The following CSMD1 variants were observed in gnomAD, a reference collection of about 807,000 sequenced individuals.
CSMD1 encodes the protein CUB and sushi domain-containing protein 1.
CSMD1 carries 213 observed loss-of-function variants against 417.5 expected under a neutral mutation model. The observed-to-expected ratio is 0.51, with a 90% confidence interval of 0.46 to 0.57. CSMD1 has a LOEUF of 0.57. CSMD1 is among the 20% of genes least tolerant of loss of function. The probability of loss-of-function intolerance (pLI) is 0.00; values close to 1 mark genes in which losing one functional copy is unlikely to be tolerated. For missense variants in CSMD1, 6,923 were observed against 4,529.7 expected (o/e 1.53, Z -15.17); for synonymous variants, 2,862 against 1,736.8 (o/e 1.65, Z -16.11).
At chr8:4,865,121 T>A (rs1802352591) in intron 1 of CSMD1, among the ~76,000 whole-genome samples, 1 of 151,810 alleles carries the variant, frequency 6.6e-6, no homozygotes, top group South Asian at 2.1e-4. Context: ...AGTGATAAAA[T>A]TCAAAGTTTT....
chr8:4,216,168 C>G (rs145343101), intron 3 of CSMD1, among the ~76,000 whole-genome samples: 50 of 152,306 alleles, frequency 3.3e-4, no homozygotes, highest in African/African-American at 1.2e-3. Context: ...ACAGGACCAG[C>G]CTATGACACT....
At chr8:3,086,097 A>G (rs1382943231) in intron 49 of CSMD1, among the ~76,000 whole-genome samples, 1 of 152,194 alleles carries the variant, frequency 6.6e-6, no homozygotes, top group Non-Finnish European at 1.5e-5. Flanking sequence ...CTCTTCAGCA[A>G]CAGATTCTAC....
chr8:4,252,709 G>T (rs1213332607), intron 3 of CSMD1, among the ~76,000 whole-genome samples: 2 of 152,188 alleles, frequency 1.3e-5, no homozygotes, highest in African/African-American at 2.4e-5. Flanking sequence ...TATCTCATTG[G>T]TTGTATTGGT....
chr8:3,445,755 A>G (rs575902981), intron 12 of CSMD1, among the ~76,000 whole-genome samples: 1 of 152,356 alleles, frequency 6.6e-6, no homozygotes, highest in South Asian at 2.1e-4. Context: ...GAACAAGAAC[A>G]AAGCCATGTA....
intron 10 of CSMD1, among the ~76,000 whole-genome samples, chr8:3,554,553 T>C (rs901637119): frequency 2.6e-5 from 4 of 152,166 alleles, no homozygotes; most frequent in African/African-American, 9.7e-5. Flanking sequence ...TCCTGCTCTG[T>C]TGGAAGCCAT....
chr8:3,136,709 T>C (rs990776999), intron 41 of CSMD1, among the ~76,000 whole-genome samples: 7 of 152,138 alleles, frequency 4.6e-5, no homozygotes. Flanking sequence ...GGACCACCAG[T>C]GCCTGAGGTA....
At chr8:4,680,523 G>A (rs927016823) in intron 1 of CSMD1, among the ~76,000 whole-genome samples, 1 of 152,132 alleles carries the variant, frequency 6.6e-6, no homozygotes, top group Non-Finnish European at 1.5e-5. Flanking sequence ...AGGAGAAATG[G>A]AAATTGGAAC....
chr8:3,471,662 TTC>T (rs1322281805), intron 11 of CSMD1, among the ~76,000 whole-genome samples: 5,656 of 143,596 alleles, frequency 0.039, 158 homozygotes, highest in East Asian at 0.14. Flanking sequence ...CTTCCTTCCT[TTC>T]CCTCCCTCCC....
At chr8:3,940,535 G>C (rs1563233675) in intron 5 of CSMD1, among the ~76,000 whole-genome samples, 1 of 141,854 alleles carries the variant, frequency 7.0e-6, no homozygotes, top group Admixed American at 7.2e-5. Flanking sequence ...GTGTGTGTGT[G>C]TATGTATGTG....
intron 2 of CSMD1, among the ~76,000 whole-genome samples, chr8:4,477,167 C>T (rs1431088250): frequency 6.6e-6 from 1 of 152,224 alleles, no homozygotes; most frequent in Non-Finnish European, 1.5e-5. Flanking sequence ...TTCCTTATCC[C>T]ACTGTCTTCC....
At chr8:3,735,435 C>T (rs1796481669) in intron 6 of CSMD1, among the ~76,000 whole-genome samples, 1 of 152,218 alleles carries the variant, frequency 6.6e-6, no homozygotes, top group South Asian at 2.1e-4. Context: ...AATGCATCTA[C>T]AAAATGCAGG....
chr8:4,767,226 C>A (rs995892088), intron 1 of CSMD1, among the ~76,000 whole-genome samples: 2 of 152,216 alleles, frequency 1.3e-5, no homozygotes, highest in South Asian at 4.1e-4. Flanking sequence ...TGTACACTGT[C>A]GAGTCCCAAA....
At chr8:4,228,897 G>A (rs1032266039) in intron 3 of CSMD1, among the ~76,000 whole-genome samples, 41 of 152,042 alleles carry the variant, frequency 2.7e-4, no homozygotes, top group African/African-American at 8.2e-4. Flanking sequence ...GGCCAGGCTG[G>A]TCTTGAACTC....
rs1797723068 is a variant in CSMD1 at position 4,792,080 on chromosome 8, T to A, written c.86-154522A>T. Reference sequence around the variant, plus strand: ...ATTCACTGCCTGGTTTTAACTTTAATTCTTTCTATATGGAGATCCCTTCCT... The same window carrying A: ...ATTCACTGCCTGGTTTTAACTTTAAATCTTTCTATATGGAGATCCCTTCCT... On this transcript the variant is annotated intron_variant, in intron 1 of 69. Transcript: ENST00000635120. Among the ~76,000 whole-genome samples, 3 of 152,170 alleles carry A rather than the reference T, an allele frequency of 2.0e-5. 1 individual carries two copies. The highest frequency in any genetic ancestry group is 2.0e-4 in the Admixed American group (3 of 15,268).
At chr8:4,254,420 CTTAGA>C (rs1483729155) in intron 3 of CSMD1, among the ~76,000 whole-genome samples, 1 of 152,148 alleles carries the variant, frequency 6.6e-6, no homozygotes, top group Non-Finnish European at 1.5e-5. Context: ...CAGCAGTCCC[CTTAGA>C]TTATAGTGGA....
chr8:4,750,555 G>C (rs1001354356), intron 1 of CSMD1, among the ~76,000 whole-genome samples: 2 of 152,104 alleles, frequency 1.3e-5, no homozygotes, highest in East Asian at 1.9e-4. Flanking sequence ...ATCAGCATAG[G>C]TCAGATCTTT....
chr8:3,785,475 TTGTACTCTAG>T (rs1030791400), intron 5 of CSMD1, among the ~76,000 whole-genome samples: 2 of 152,196 alleles, frequency 1.3e-5, no homozygotes, highest in African/African-American at 4.8e-5. Context: ...CTCCTAAGGC[TTGTACTCTAG>T]TGTTGGAAAA....
At chr8:4,975,583 G>C (rs1031570101) in intron 1 of CSMD1, among the ~76,000 whole-genome samples, 2 of 152,146 alleles carry the variant, frequency 1.3e-5, no homozygotes, top group Non-Finnish European at 2.9e-5. Context: ...AGTGGAGTTT[G>C]GACTAGAAAC....
At chr8:3,334,511 C>G (rs760280299) in intron 23 of CSMD1, among the ~76,000 whole-genome samples, 7 of 152,142 alleles carry the variant, frequency 4.6e-5, no homozygotes, top group Non-Finnish European at 1.0e-4. Flanking sequence ...ATGTTGATGT[C>G]ATTTTTATTG....
Sources: gnomAD v4.1 joint callset for allele counts (sites outside exome capture counted in the v4.1 genomes callset) on GRCh38, gnomAD v4.1.1 for gene constraint, MANE v1.5 for transcripts, NCBI Gene and HGNC (gene_info 2026-07-23, HGNC 2026-07-21) for gene names.